NAP1L1: variants seen among roughly 807,000 people sequenced by gnomAD.
The protein encoded by NAP1L1 is nucleosome assembly protein 1 like 1, also known as nucleosome assembly protein 1-like 1.
NAP1L1 carries 9 observed loss-of-function variants against 58.9 expected under a neutral mutation model. The observed-to-expected ratio is 0.15, with a 90% confidence interval of 0.09 to 0.27. The LOEUF (loss-of-function observed/expected upper bound fraction) is 0.27. Ranked by LOEUF, NAP1L1 falls within the 10% of genes least tolerant of loss-of-function variation. NAP1L1 has a pLI of 1.00. For synonymous variants in NAP1L1, 130 were observed against 138.3 expected, an observed-to-expected ratio of 0.94 and a Z score of 0.42; for missense variants, 302 against 458.8, an observed-to-expected ratio of 0.66 and a Z score of 3.12.
At position 76,056,033 on chromosome 12, in the gene NAP1L1, C is replaced by G. The variant is rs1157210938; in HGVS notation, c.558G>C (p.Gln186His). 1.2e-6 allele frequency: 2 copies of G among 1,610,688 alleles called. No homozygotes were observed. The part of the protein sequence containing the change: ...KNVDLLSDMV[Q>H]EHDEPILKHL... ...CTGGTACATTTATGAATAAAATTAC[C>G]TGAACCATATCACTGAGCAAGTCAA... Residue 186 changes from glutamine (Q) to histidine (H), a missense_variant and splice_region_variant, in exon 7 of 15, where the codon CAG becomes CAC. Physicochemically the swap from Gln to His is conservative, Grantham distance 24. Transcript: ENST00000618691.
chr12:76,059,008 A>G (rs58392439), intron 6 of NAP1L1, among the ~76,000 whole-genome samples: 8,841 of 152,306 alleles, frequency 0.058, 870 homozygotes, highest in African/African-American at 0.2. Context: ...ACGTATGTGC[A>G]CTGTTTGAAC....
chr12:76,048,550 C>A, intron 14 of NAP1L1, 86 bp from the exon 15 acceptor site: 1 of 1,329,014 alleles, frequency 7.5e-7, no homozygotes, highest in Non-Finnish European at 1.1e-6. Context: ...TTAATTATAA[C>A]AGTAGCTCAC....
chr12:76,062,435 T>C (rs1393693056), intron 4 of NAP1L1, among the ~76,000 whole-genome samples: 1 of 152,142 alleles, frequency 6.6e-6, no homozygotes, highest in Non-Finnish European at 1.5e-5. Context: ...AGAGAATAAC[T>C]AGAAACTTCA....
At chr12:76,052,071 G>A (rs911726908) in intron 11 of NAP1L1, among the ~76,000 whole-genome samples, 5 of 151,798 alleles carry the variant, frequency 3.3e-5, no homozygotes, top group South Asian at 2.1e-4. Flanking sequence ...ACTAAACAAT[G>A]ATACAAGTTC....
intron 6 of NAP1L1, chr12:76,058,176 C>A (rs1949212627): frequency 3.6e-6 from 2 of 557,958 alleles, no homozygotes; most frequent in Non-Finnish European, 3.3e-6. Context: ...TAGATATGGC[C>A]AAAGGGAGAG....
At chr12:76,079,735 G>C (rs960275656) in intron 1 of NAP1L1, among the ~76,000 whole-genome samples, 1 of 148,564 alleles carries the variant, frequency 6.7e-6, no homozygotes, top group African/African-American at 2.5e-5. Context: ...CCAGGCTATA[G>C]TGCAGTGGCG....
rs58649228 is a variant in NAP1L1 at position 76,076,549 on chromosome 12, AATATATATATATATATATATATATAT to A, written c.-20-2336_-20-2311del. Among the ~76,000 whole-genome samples the A allele has an allele frequency of 5.1e-3, 619 of 120,632 alleles. 12 individuals are homozygous for A. The highest frequency in any genetic ancestry group is 0.016 in the African/African-American group (504 of 30,638). The allele number at this position is 120,632 out of a possible 152,430, so 79.1% of individuals were successfully genotyped here. ...TGCCGAAATCCCCTTTGGATATGGAAATATATATATATATATATATATATATATATATATATATATATATCTCCACT... is the reference window on the plus strand; with the variant it reads ...TGCCGAAATCCCCTTTGGATATGGAAATATATATATATATATATCTCCACT... On this transcript the variant is annotated intron_variant, in intron 1 of 14. Coordinates refer to ENST00000618691, the MANE Select transcript of NAP1L1 (RefSeq NM_004537.7).
At chr12:76,080,606 T>G (rs1044649173) in intron 1 of NAP1L1, among the ~76,000 whole-genome samples, 1 of 152,198 alleles carries the variant, frequency 6.6e-6, no homozygotes, top group South Asian at 2.1e-4. Flanking sequence ...TCCCCATCAT[T>G]AACCATGCAT....
chr12:76,060,645 TAGGAAAAAGGAGGGGAGCATAGACATATC>T (rs1485623695), intron 4 of NAP1L1, among the ~76,000 whole-genome samples: 2 of 152,132 alleles, frequency 1.3e-5, no homozygotes, highest in Non-Finnish European at 2.9e-5. Flanking sequence ...TACAAGTTAT[TAGGAAAAAGGAGGGGAGCATAGACATATC>T]AGGAAAAAGG....
chr12:76,047,609 T>C lies in NAP1L1; in HGVS notation c.*820A>G, dbSNP rs1364352109. 1.3e-5 allele frequency: 2 copies of C among 151,970 alleles called. No homozygotes were observed. The highest frequency in any genetic ancestry group is 2.9e-5 in the Non-Finnish European group (2 of 67,890). The allele number at this position is 151,970 out of a possible 1,614,324, so 9.4% of individuals were successfully genotyped here. A position where few individuals can be genotyped will look rare whatever the true frequency, so the allele number is the denominator to read the frequency against. ...TAAGAACTAAAATTGTATTTGAAAT[T>C]TTTATTTTAGCTGCAAAAACAAAAA... On this transcript the variant is annotated 3_prime_UTR_variant, in exon 15 of 15. Transcript: ENST00000618691.
intron 1 of NAP1L1, among the ~76,000 whole-genome samples, chr12:76,081,655 C>A (rs747631443): frequency 3.3e-5 from 5 of 152,212 alleles, no homozygotes; most frequent in Non-Finnish European, 7.4e-5. Context: ...TACAAATATG[C>A]AGGAAGTAAA....
intron 6 of NAP1L1, chr12:76,057,133 A>C: frequency 5.5e-6 from 1 of 182,416 alleles, no homozygotes; most frequent in Admixed American, 5.5e-5. Flanking sequence ...CTGCCTCTAC[A>C]AAAAAAAGTA....
At chr12:76,070,122 CT>C (rs5799240) in intron 2 of NAP1L1, among the ~76,000 whole-genome samples, 88,491 of 146,298 alleles carry the variant, frequency 0.6, 26,303 homozygotes, top group East Asian at 0.77. Context: ...TTTCTGAAAG[CT>C]TTTTTTTTTT....
intron 1 of NAP1L1, among the ~76,000 whole-genome samples, chr12:76,076,677 G>A (rs1950195916): frequency 6.6e-6 from 1 of 150,462 alleles, no homozygotes; most frequent in Non-Finnish European, 1.5e-5. Flanking sequence ...GTAACCTAAT[G>A]AGAAAGAAGG....
At position 76,039,852 on chromosome 12, in the gene NAP1L1, C is replaced by T. The variant is rs1948533785; in HGVS notation, c.*8577G>A. 1 of 152,168 alleles carries T rather than the reference C, an allele frequency of 6.6e-6. No homozygotes were observed. Among genetic ancestry groups the T allele is most frequent in the Non-Finnish European group, 1.5e-5 (1 of 68,038 alleles). The allele number at this position is 152,168 out of a possible 1,614,324, so 9.4% of individuals were successfully genotyped here. ...CGAACACTTAGTTCTCCCCAAATTGCTGATTAATACTGTAAACTGAAATCC... is the reference window on the plus strand; with the variant it reads ...CGAACACTTAGTTCTCCCCAAATTGTTGATTAATACTGTAAACTGAAATCC... On this transcript the variant is annotated 3_prime_UTR_variant, in exon 15 of 15. Transcript: ENST00000618691.
At chr12:76,066,289 C>T (rs998334805) in intron 4 of NAP1L1, among the ~76,000 whole-genome samples, 1 of 151,772 alleles carries the variant, frequency 6.6e-6, no homozygotes, top group African/African-American at 2.4e-5. Context: ...GTAGCAGAAA[C>T]CAGGAGGGAC....
At chr12:76,056,374 G>T in intron 6 of NAP1L1, 1 of 482,284 alleles carries the variant, frequency 2.1e-6, no homozygotes, top group Non-Finnish European at 3.7e-6. Flanking sequence ...AGGTGACCAA[G>T]ATGTGTAGGA....
chr12:76,052,172 G>A (rs1222124699), intron 11 of NAP1L1, among the ~76,000 whole-genome samples: 1 of 151,992 alleles, frequency 6.6e-6, no homozygotes, highest in Non-Finnish European at 1.5e-5. Context: ...TCCAAAAGGG[G>A]GTGGGGAGGA....
chr12:76,061,860 G>A (rs113857839), intron 4 of NAP1L1, among the ~76,000 whole-genome samples: 12 of 152,304 alleles, frequency 7.9e-5, no homozygotes, highest in African/African-American at 2.9e-4. Context: ...CCAAGGTGGT[G>A]AACTGGCATG....
Sources: gnomAD v4.1 joint callset for allele counts (sites outside exome capture counted in the v4.1 genomes callset) on GRCh38, gnomAD v4.1.1 for gene constraint, MANE v1.5 for transcripts, NCBI Gene and HGNC (gene_info 2026-07-23, HGNC 2026-07-21) for gene names.